The following FANCA variants were observed in gnomAD, a reference collection of about 807,000 sequenced individuals.
FANCA encodes the protein Fanconi anemia group A protein.
FANCA carries 236 observed loss-of-function variants against 194.3 expected under a neutral mutation model. The ratio of observed to expected loss-of-function variants is 1.21; its 90% CI spans 1.09 to 1.35. The LOEUF (loss-of-function observed/expected upper bound fraction) is 1.35, where lower values mean the gene tolerates loss of function less well. FANCA is among the 40% of genes most tolerant of loss of function. The pLI, the probability that FANCA is intolerant of heterozygous loss-of-function variation, is 0.00. For missense variants in FANCA, 2,628 were observed against 1,813.9 expected (o/e 1.45, Z -8.15); for synonymous variants, 1,014 against 715.8 (o/e 1.42, Z -6.65).
chr16:89,803,015 T>TTTAA (rs1191010379), intron 8 of FANCA, among the ~76,000 whole-genome samples: 1 of 152,174 alleles, frequency 6.6e-6, no homozygotes, highest in East Asian at 1.9e-4. Flanking sequence ...ACAGATTGTA[T>TTTAA]ATTTCAAAGT....
At chr16:89,771,348 A>G (rs1332308138) in intron 23 of FANCA, among the ~76,000 whole-genome samples, 3 of 151,258 alleles carry the variant, frequency 2.0e-5, no homozygotes, top group African/African-American at 7.3e-5. Context: ...AGTCCCAGCT[A>G]CTCGGGAGGC....
At chr16:89,815,226 G>C (rs1024972269) in intron 2 of FANCA, among the ~76,000 whole-genome samples, 7 of 151,672 alleles carry the variant, frequency 4.6e-5, no homozygotes, top group East Asian at 3.9e-4. Context: ...AAGTAGTGAC[G>C]GGGTTTCACC....
intron 3 of FANCA, among the ~76,000 whole-genome samples, chr16:89,811,484 TTG>T (rs2040877079): frequency 6.6e-6 from 1 of 152,144 alleles, no homozygotes; most frequent in Non-Finnish European, 1.5e-5. Context: ...ACATTGATGG[TTG>T]TGATAAAATT....
In FANCA at chr16:89,743,851, TCAGA is replaced by T. The variant is rs1388604009; in HGVS notation, c.3627-917_3627-914del. On this transcript the variant is annotated intron_variant, in intron 36 of 42. Transcript: ENST00000389301. ...ACAAAACAAAACAAAAAACAAAACT[TCAGA>T]CAATCTGATCTGTGTTTGTAGAATT... is the stretch of plus-strand genomic sequence containing the variant. Among the ~76,000 whole-genome samples, 16 of 152,184 alleles carry T rather than the reference TCAGA, an allele frequency of 1.1e-4. No individual in the cohort carries two copies. In the East Asian group the frequency reaches 3.1e-3, roughly 29 times the overall value.
chr16:89,756,069 G>GT lies in FANCA; in HGVS notation c.2981+2507dup, dbSNP rs373154187. Among the ~76,000 whole-genome samples the GT allele has an allele frequency of 2.4e-3, 368 of 152,294 alleles. 1 individual carries two copies. The highest frequency in any genetic ancestry group is 8.5e-3 in the African/African-American group (352 of 41,544). On this transcript the variant is annotated intron_variant, in intron 30 of 42. Transcript: ENST00000389301. ...TGTATCTAAACATAGAAAAGGTACG[G>GT]TAAAAACACAGTTTAAAAAAAAGGT...
In FANCA at chr16:89,791,450, C is replaced by T. The variant is rs752587443; in HGVS notation, c.1312G>A (p.Ala438Thr). Residue 438 changes from alanine to threonine, a missense_variant, in exon 14 of 43, where the codon GCA becomes ACA. Physicochemically the swap from Ala to Thr is moderately conservative, Grantham distance 58. Coordinates refer to ENST00000389301, the MANE Select transcript of FANCA (RefSeq NM_000135.4). ...AGGAACGCAGAGGGGCCCTCCAGTG[C>T]TGCCTGGCGCACAACCAGGAACGCA... is the stretch of plus-strand genomic sequence containing the variant. ...VTAFLVVRQAALEGPSAFLSY... is the reference protein window; with the variant it reads ...VTAFLVVRQATLEGPSAFLSY... 2.9e-5 allele frequency: 46 copies of T among 1,614,032 alleles called. 1 individual carries two copies. The highest frequency in any genetic ancestry group is 2.2e-4 in the Admixed American group (13 of 59,992).
chr16:89,738,164 C>G lies in FANCA; in HGVS notation c.*437G>C, dbSNP rs747111210. 1 of 1,613,130 alleles carries G rather than the reference C, an allele frequency of 6.2e-7. No individual in the cohort carries two copies. Among genetic ancestry groups the G allele is most frequent in the Non-Finnish European group, 8.5e-7 (1 of 1,179,920 alleles). ...ACACAGACCCAGGACAAGGCCCTGC[C>G]CCTGGAGGCGGAACCACCACCTGGG... On this transcript the variant is annotated 3_prime_UTR_variant, in exon 43 of 43. Coordinates refer to ENST00000389301, the MANE Select transcript of FANCA (RefSeq NM_000135.4).
chr16:89,792,552 A>G lies in FANCA; in HGVS notation c.1007-5T>C. ...GCATCTGAACAGCATCAGATGCTGC[A>G]GGGGGAGAAACAGACAAAAACTTCA... On this transcript the variant is annotated splice_region_variant and splice_polypyrimidine_tract_variant and intron_variant, in intron 11 of 42. Transcript: ENST00000389301. 6.2e-7 allele frequency: 1 copy of G among 1,612,586 alleles called. No homozygotes were observed. The highest frequency in any genetic ancestry group is 8.5e-7 in the Non-Finnish European group (1 of 1,179,712).
intron 28 of FANCA, among the ~76,000 whole-genome samples, chr16:89,764,564 CCA>C (rs1415922942): frequency 6.6e-6 from 1 of 152,196 alleles, no homozygotes; most frequent in Non-Finnish European, 1.5e-5. Flanking sequence ...CCTTGGCCTC[CCA>C]CAGTGCTGGG....
At chr16:89,778,627 T>TAAAAAAAAAAAAA (rs397693835) in intron 20 of FANCA, among the ~76,000 whole-genome samples, 174 bp downstream of exon 20, 1 of 29,930 alleles carries the variant, frequency 3.3e-5, no homozygotes, top group Non-Finnish European at 5.8e-5. Flanking sequence ...AGACTCCAAC[T>TAAAAAAAAAAAAA]AAAAAAAAAA....
rs2040371145 is a variant in FANCA at position 89,799,629 on chromosome 16, C to T, written c.802G>A (p.Asp268Asn). ...CAAATCAGCATTCTCTGCAGTACAT[C>T]AACCGTGACCTGTCAAAATAGAATG... ...EPEKMPQVTVDVLQRMLIFAL... is the reference protein window; with the variant it reads ...EPEKMPQVTVNVLQRMLIFAL... The change falls in exon 9 of 43, where the codon GAT becomes AAT. Residue 268 changes from aspartate (D) to asparagine (N), a missense_variant. By Grantham distance (23) the Asp-to-Asn change is conservative. Coordinates refer to ENST00000389301, the MANE Select transcript of FANCA (RefSeq NM_000135.4). 6.2e-7 allele frequency: 1 copy of T among 1,613,460 alleles called. No individual in the cohort carries two copies. The highest frequency in any genetic ancestry group is 8.5e-7 in the Non-Finnish European group (1 of 1,179,380).
chr16:89,741,090 A>T (rs762446833), intron 37 of FANCA, among the ~76,000 whole-genome samples: 24 of 152,226 alleles, frequency 1.6e-4, no homozygotes, highest in Admixed American at 3.3e-4. Flanking sequence ...CAAAGCTAGA[A>T]ACAGTTTGAA....
chr16:89,780,336 C>T (rs1473060392), intron 17 of FANCA, among the ~76,000 whole-genome samples: 1 of 152,138 alleles, frequency 6.6e-6, no homozygotes, highest in African/African-American at 2.4e-5. Context: ...AAAGAAATTA[C>T]GAGGGCTGGG....
At chr16:89,776,515 T>C (rs2039511952) in intron 20 of FANCA, among the ~76,000 whole-genome samples, 1 of 152,002 alleles carries the variant, frequency 6.6e-6, no homozygotes, top group South Asian at 2.1e-4. Flanking sequence ...GAAAAACGTT[T>C]AGTTCGTGTC....
At chr16:89,776,159 C>CTTTTTTTTTTT (rs3069458) in intron 20 of FANCA, among the ~76,000 whole-genome samples, 8 of 93,310 alleles carry the variant, frequency 8.6e-5, no homozygotes, top group Non-Finnish European at 1.3e-4. Flanking sequence ...CTTTGTTTTT[C>CTTTTTTTTTTT]TTTTTTTTTT....
At chr16:89,772,096 C>G (rs1307642357) in intron 22 of FANCA, among the ~76,000 whole-genome samples, 1 of 152,224 alleles carries the variant, frequency 6.6e-6, no homozygotes, top group Admixed American at 6.5e-5. Flanking sequence ...ACCTCCCCAT[C>G]TGAAATCCCA....
chr16:89,737,791 A>G lies in FANCA; in HGVS notation c.*810T>C. ...AGCATCAGGGGCCTGGACTCACTGG[A>G]CTCTCCCCTCTCAGAGGTGCGGAAC... On this transcript the variant is annotated 3_prime_UTR_variant, in exon 43 of 43. Transcript: ENST00000389301. The G allele has an allele frequency of 6.2e-7, 1 of 1,613,860 alleles. No homozygotes were observed. The highest frequency in any genetic ancestry group is 8.5e-7 in the Non-Finnish European group (1 of 1,179,958).
chr16:89,781,048 TA>T (rs1412355996), intron 17 of FANCA, among the ~76,000 whole-genome samples: 2 of 152,060 alleles, frequency 1.3e-5, no homozygotes, highest in Admixed American at 1.3e-4. Flanking sequence ...CTCGTAACTT[TA>T]AAATAAAAAG....
At position 89,771,740 on chromosome 16, in the gene FANCA, C is replaced by T. The variant is rs376888740; in HGVS notation, c.2089G>A (p.Val697Ile). 6.4e-5 allele frequency: 104 copies of T among 1,614,146 alleles called. No individual in the cohort carries two copies. The highest frequency in any genetic ancestry group is 1.1e-4 in the African/African-American group (8 of 75,040). The change falls in exon 23 of 43, where the codon GTT becomes ATT. Residue 697 changes from valine to isoleucine, a missense_variant. Coordinates refer to ENST00000389301, the MANE Select transcript of FANCA (RefSeq NM_000135.4). Reference protein sequence around the residue: ...VLGHNEDDSSVEISKIQLSIN... With the variant: ...VLGHNEDDSSIEISKIQLSIN... ...CTGAGCTGAATCTTTGATATCTCAA[C>T]GCTGCTGTCATCCTCATTGTGGCCC...
Sources: gnomAD v4.1 joint callset for allele counts (sites outside exome capture counted in the v4.1 genomes callset) on GRCh38, gnomAD v4.1.1 for gene constraint, MANE v1.5 for transcripts, NCBI Gene and HGNC (gene_info 2026-07-23, HGNC 2026-07-21) for gene names.